Variants in SKIC8 observed in about 807,000 individuals in gnomAD.
The protein encoded by SKIC8 is SKI8 subunit of superkiller complex, also known as superkiller complex protein 8.
the SKIC8 span, chr15:78,284,127 CATAA>C: frequency 6.6e-6 from 1 of 152,184 alleles, no homozygotes. Context: ...TTTCTCTAAT[CATAA>C]ATAACTTCCT....
chr15:78,298,509 A>G, the SKIC8 span, among the ~76,000 whole-genome samples: 1 of 152,192 alleles, frequency 6.6e-6, no homozygotes, highest in Non-Finnish European at 1.5e-5. Context: ...TTTGAGAGAG[A>G]CCACATTCAC....
chr15:78,288,356 T>C, the SKIC8 span: 1 of 1,613,812 alleles, frequency 6.2e-7, no homozygotes. Context: ...GGGGAAAAGG[T>C]CAAGGAGCGA....
At chr15:78,288,172 G>A in the SKIC8 span, 2 of 1,021,850 alleles carry the variant, frequency 2.0e-6, no homozygotes, top group Non-Finnish European at 2.9e-6. Flanking sequence ...GGGAGTCAAG[G>A]TGTCTGATGT....
the SKIC8 span, chr15:78,292,919 G>T: frequency 1.8e-6 from 2 of 1,141,298 alleles, no homozygotes; most frequent in East Asian, 5.1e-5. Flanking sequence ...GAGTTAATGA[G>T]CTACAGAACA....
the SKIC8 span, chr15:78,289,565 T>A: frequency 7.5e-7 from 1 of 1,337,902 alleles, no homozygotes; most frequent in Non-Finnish European, 1.1e-6. Flanking sequence ...AAAGAATAAT[T>A]CTTCCTTTGT....
At chr15:78,288,784 C>G in the SKIC8 span, 6 of 345,746 alleles carry the variant, frequency 1.7e-5, no homozygotes, top group Non-Finnish European at 2.8e-5. Context: ...AATAAATTCA[C>G]TTGATTAGAA....
the SKIC8 span, among the ~76,000 whole-genome samples, chr15:78,288,012 A>G: frequency 6.6e-6 from 1 of 152,172 alleles, no homozygotes; most frequent in South Asian, 2.1e-4. Flanking sequence ...TATCCCAAAG[A>G]ATTTGAAATC....
At chr15:78,290,235 G>A in the SKIC8 span, 4 of 912,310 alleles carry the variant, frequency 4.4e-6, no homozygotes, top group Non-Finnish European at 4.7e-6. Context: ...ATGTTGTAAA[G>A]ATGCTAATTC....
the SKIC8 span, chr15:78,288,433 T>G: frequency 6.4e-7 from 1 of 1,563,764 alleles, no homozygotes; most frequent in East Asian, 2.2e-5. Flanking sequence ...GCCTCCTCAC[T>G]CAGCTTCCCA....
chr15:78,283,850 C>T, the SKIC8 span: 1 of 175,752 alleles, frequency 5.7e-6, no homozygotes, highest in East Asian at 1.5e-4. Context: ...CCATAAGAGA[C>T]CAACATTTAT....
chr15:78,290,306 T>G, the SKIC8 span, among the ~76,000 whole-genome samples: 1 of 152,244 alleles, frequency 6.6e-6, no homozygotes, highest in African/African-American at 2.4e-5. Context: ...TAGGACAATA[T>G]CAAGTGTTAG....
the SKIC8 span, chr15:78,288,695 T>C: frequency 7.9e-6 from 3 of 379,472 alleles, no homozygotes. Flanking sequence ...ATTTGTAAGG[T>C]TGAACAAATT....
At chr15:78,285,314 A>G in the SKIC8 span, 1 of 1,614,280 alleles carries the variant, frequency 6.2e-7, no homozygotes, top group Non-Finnish European at 8.5e-7. Context: ...CCAACATCCC[A>G]AACTTTTACA....
At chr15:78,287,244 T>G in the SKIC8 span, among the ~76,000 whole-genome samples, 5 of 152,190 alleles carry the variant, frequency 3.3e-5, no homozygotes, top group Non-Finnish European at 7.3e-5. Context: ...ACTGCTGCAT[T>G]TATACTGCCT....
chr15:78,283,611 A>G, the SKIC8 span: 10 of 1,033,594 alleles, frequency 9.7e-6, no homozygotes, highest in Admixed American at 2.4e-5. Flanking sequence ...GTTATTCTGA[A>G]TCTACCAAAA....
chr15:78,287,579 T>C, the SKIC8 span, among the ~76,000 whole-genome samples: 4 of 152,128 alleles, frequency 2.6e-5, no homozygotes, highest in East Asian at 3.9e-4. Flanking sequence ...TAGAATGCCA[T>C]GTTCGGGAGC....
chr15:78,292,743 C>G, the SKIC8 span: 2 of 1,614,052 alleles, frequency 1.2e-6, no homozygotes, highest in South Asian at 1.1e-5. Context: ...CCACTCCCAG[C>G]TGATGTCCCT....
the SKIC8 span, chr15:78,296,164 A>G: frequency 2.6e-5 from 4 of 152,664 alleles, no homozygotes; most frequent in African/African-American, 9.6e-5. Flanking sequence ...AGGCAGGTAA[A>G]TAAGGGCAGA....
chr15:78,290,052 T>C, the SKIC8 span: 1 of 1,614,166 alleles, frequency 6.2e-7, no homozygotes, highest in East Asian at 2.2e-5. Flanking sequence ...TGAGTTCCTG[T>C]GGCCAGATAC....
Sources: allele counts gnomAD v4.1 joint callset (sites outside exome capture counted in the v4.1 genomes callset), GRCh38; gene constraint gnomAD v4.1.1; transcripts MANE v1.5; gene names NCBI Gene and HGNC (gene_info 2026-07-23, HGNC 2026-07-21).